SCARA5: variants seen among roughly 807,000 people sequenced by gnomAD.
SCARA5 encodes the protein scavenger receptor class A, member 5 (putative).
Under a neutral mutation model 46.3 loss-of-function variants are expected in SCARA5, and 45 were observed. The observed-to-expected ratio is 0.97, with a 90% CI of 0.76 to 1.24. The LOEUF (loss-of-function observed/expected upper bound fraction) is 1.24, where lower values mean the gene tolerates loss of function less well. Ranked by LOEUF, SCARA5 falls within the 50% of genes most tolerant of loss-of-function variation. SCARA5 has a pLI of 0.00. For missense variants in SCARA5, 680 were observed against 689.0 expected (o/e 0.99, Z 0.15); for synonymous variants, 333 against 306.5 (o/e 1.09, Z -0.90).
chr8:27,898,598 T>C (rs1166923241), intron 7 of SCARA5, among the ~76,000 whole-genome samples: 2 of 152,244 alleles, frequency 1.3e-5, no homozygotes, highest in Non-Finnish European at 2.9e-5. Context: ...GCATCTCTTG[T>C]GAGAAACTTT....
chr8:27,900,430 G>A (rs1407274678), intron 7 of SCARA5, among the ~76,000 whole-genome samples: 3 of 152,118 alleles, frequency 2.0e-5, no homozygotes, highest in African/African-American at 7.2e-5. Flanking sequence ...TGCATGCTGG[G>A]GTGCCCACAG....
chr8:27,887,655 A>T (rs1425078425), intron 7 of SCARA5, among the ~76,000 whole-genome samples: 2 of 152,134 alleles, frequency 1.3e-5, no homozygotes, highest in Admixed American at 6.5e-5. Flanking sequence ...CATAGCAGAG[A>T]CACCCAGATA....
intron 2 of SCARA5, among the ~76,000 whole-genome samples, chr8:27,970,386 A>G (rs978164573): frequency 1.3e-5 from 2 of 152,358 alleles, no homozygotes; most frequent in South Asian, 2.1e-4. Context: ...GCAGCTTTTC[A>G]TAAGACACAC....
chr8:27,956,739 G>A (rs1808213315), intron 3 of SCARA5, among the ~76,000 whole-genome samples: 3 of 152,122 alleles, frequency 2.0e-5, no homozygotes, highest in Admixed American at 2.0e-4. Context: ...CATAGCAGGG[G>A]CCTCTCTTTA....
chr8:27,932,357 G>C (rs1807788519), intron 3 of SCARA5, among the ~76,000 whole-genome samples: 1 of 152,202 alleles, frequency 6.6e-6, no homozygotes, highest in Admixed American at 6.5e-5. Context: ...AACTACTGTC[G>C]ATCTTCTGTG....
chr8:27,911,021 G>T (rs1807365545), intron 4 of SCARA5, among the ~76,000 whole-genome samples: 2 of 152,164 alleles, frequency 1.3e-5, no homozygotes, highest in South Asian at 4.1e-4. Context: ...AACACCCACA[G>T]GGCTAGACAT....
chr8:27,932,176 C>T (rs947840696), intron 3 of SCARA5, among the ~76,000 whole-genome samples: 16 of 152,060 alleles, frequency 1.1e-4, no homozygotes, highest in Non-Finnish European at 2.1e-4. Flanking sequence ...GATGGGGTTT[C>T]ACCATATTGC....
rs149265222 is a variant in SCARA5, at chr8:27,943,705, C to T, written c.242-21460G>A. ...CACACCACTGTCTGCAGCCACCTTACATTGCAGCGGTCAGAGAGGAAAACA... is the reference window on the plus strand; with the variant it reads ...CACACCACTGTCTGCAGCCACCTTATATTGCAGCGGTCAGAGAGGAAAACA... On this transcript the variant is annotated intron_variant, in intron 3 of 8. Transcript: ENST00000354914. 1.3e-4 allele frequency among the ~76,000 whole-genome samples: 20 copies of T among 152,338 alleles called. No individual in the cohort carries two copies. The East Asian group carries it at 2.5e-3, about 19-fold the overall frequency.
intron 3 of SCARA5, among the ~76,000 whole-genome samples, chr8:27,957,362 CCTG>C (rs1372621264): frequency 6.6e-6 from 1 of 152,254 alleles, no homozygotes; most frequent in Non-Finnish European, 1.5e-5. Flanking sequence ...ATACATCCCA[CCTG>C]CTGAACACTG....
chr8:27,976,866 C>T (rs976689585), intron 2 of SCARA5, among the ~76,000 whole-genome samples: 44 of 152,186 alleles, frequency 2.9e-4, no homozygotes, highest in African/African-American at 9.9e-4. Context: ...AAAACTCCTC[C>T]CCACAAAACC....
intron 3 of SCARA5, among the ~76,000 whole-genome samples, chr8:27,957,383 C>T (rs555650747): frequency 1.3e-5 from 2 of 152,310 alleles, no homozygotes; most frequent in South Asian, 2.1e-4. Flanking sequence ...CTGTTCTAGG[C>T]GGTTAACACG....
At chr8:27,987,765 C>A in intron 1 of SCARA5, 135 bp from the exon 2 acceptor site, 1 of 612,424 alleles carries the variant, frequency 1.6e-6, no homozygotes. Context: ...AACACCGGGA[C>A]CCTCTGCTCA....
intron 3 of SCARA5, among the ~76,000 whole-genome samples, chr8:27,934,524 C>T (rs1807825329): frequency 6.6e-6 from 1 of 152,186 alleles, no homozygotes; most frequent in South Asian, 2.1e-4. Context: ...CTCCAGCAGC[C>T]CTGTCTCAAT....
intron 2 of SCARA5, among the ~76,000 whole-genome samples, chr8:27,983,080 C>G (rs1013184367): frequency 6.6e-6 from 1 of 152,194 alleles, no homozygotes; most frequent in African/African-American, 2.4e-5. Context: ...TTTTCCTGCT[C>G]TCACCTCTGG....
intron 6 of SCARA5, among the ~76,000 whole-genome samples, chr8:27,906,707 GTGTTT>G (rs1563519979): frequency 2.0e-5 from 3 of 152,204 alleles, no homozygotes. Context: ...TTTTGTGTGT[GTGTTT>G]TATTTTGTTT....
At chr8:27,965,901 C>G (rs1164037567) in intron 3 of SCARA5, among the ~76,000 whole-genome samples, 2 of 152,228 alleles carry the variant, frequency 1.3e-5, no homozygotes, top group African/African-American at 4.8e-5. Flanking sequence ...GGCTGGAGAA[C>G]ATGCTAGCCC....
intron 3 of SCARA5, among the ~76,000 whole-genome samples, chr8:27,946,605 C>T (rs1235835302): frequency 6.6e-6 from 1 of 152,204 alleles, no homozygotes; most frequent in East Asian, 1.9e-4. Context: ...GCAGCCTCAG[C>T]AAACTAATAC....
intron 7 of SCARA5, among the ~76,000 whole-genome samples, chr8:27,892,605 CCTTTT>C (rs1414120296): frequency 1.3e-4 from 16 of 119,788 alleles, no homozygotes; most frequent in Admixed American, 1.1e-3. Context: ...CATACCTCAC[CCTTTT>C]TTTTTTTTTT....
chr8:27,878,970 G>A (rs566479862), intron 8 of SCARA5, among the ~76,000 whole-genome samples: 29 of 152,276 alleles, frequency 1.9e-4, no homozygotes, highest in African/African-American at 6.5e-4. Flanking sequence ...AGTAGGCCCA[G>A]CTAGTCAGGA....
Sources: allele counts gnomAD v4.1 joint callset (sites outside exome capture counted in the v4.1 genomes callset), GRCh38; gene constraint gnomAD v4.1.1; transcripts MANE v1.5; gene names NCBI Gene and HGNC (gene_info 2026-07-23, HGNC 2026-07-21).